FHIT: variants seen among roughly 807,000 people sequenced by gnomAD.
The protein encoded by FHIT is fragile histidine triad diadenosine triphosphatase.
Under a neutral mutation model 17.9 loss-of-function variants are expected in FHIT, and 19 were observed. That is an observed-to-expected ratio of 1.06 (90% CI 0.74 to 1.56). FHIT has a LOEUF of 1.56. FHIT is among the 40% of genes most tolerant of loss of function. FHIT has a pLI of 0.00. For missense variants in FHIT, 248 were observed against 189.2 expected, an observed-to-expected ratio of 1.31 and a Z score of -1.82; for synonymous variants, 81 against 69.7, an observed-to-expected ratio of 1.16 and a Z score of -0.81.
chr3:60,491,293 C>T (rs531398006), intron 5 of FHIT, among the ~76,000 whole-genome samples: 7 of 151,992 alleles, frequency 4.6e-5, no homozygotes, highest in Admixed American at 1.3e-4. Context: ...CTCCACACAC[C>T]CACTCCCTTA....
chr3:60,483,127 A>C (rs904701080), intron 5 of FHIT, among the ~76,000 whole-genome samples: 2 of 152,208 alleles, frequency 1.3e-5, no homozygotes, highest in Non-Finnish European at 2.9e-5. Context: ...AGACTAAACC[A>C]GGAAGGAGTT....
intron 3 of FHIT, among the ~76,000 whole-genome samples, chr3:60,826,152 TGGAAGGAAGGAAGGAAGGAA>T (rs201232384): frequency 0.21 from 27,183 of 128,262 alleles, 3,568 homozygotes; most frequent in East Asian, 0.53. Context: ...GATGAATGGA[TGGAAGGAAGGAAGGAAGGAA>T]GGAAGGAAGG....
rs537197891 is a variant in FHIT at position 60,814,192 on chromosome 3, T to C, written c.-18+7727A>G. ...TTAAAAAAAATTCATTCATCTGTTT[T>C]TATGTGTTTATTTTTTCAACTTTCA... On this transcript the variant is annotated intron_variant, in intron 4 of 9. Transcript: ENST00000492590. 2.5e-4 allele frequency among the ~76,000 whole-genome samples: 38 copies of C among 152,294 alleles called. 1 individual carries two copies. The East Asian group carries it at 5.4e-3, about 22-fold the overall frequency.
At chr3:61,115,271 G>A (rs2036268254) in intron 2 of FHIT, among the ~76,000 whole-genome samples, 1 of 152,124 alleles carries the variant, frequency 6.6e-6, no homozygotes, top group Non-Finnish European at 1.5e-5. Context: ...TCCTTGGACT[G>A]GAAGAGAAAA....
At chr3:59,816,906 TAAGCAA>T (rs1700619173) in intron 8 of FHIT, among the ~76,000 whole-genome samples, 1 of 152,186 alleles carries the variant, frequency 6.6e-6, no homozygotes, top group African/African-American at 2.4e-5. Context: ...GACTGAGACT[TAAGCAA>T]GAGACCCAGG....
intron 4 of FHIT, among the ~76,000 whole-genome samples, chr3:60,809,818 T>C (rs573720089): frequency 6.6e-6 from 1 of 152,336 alleles, no homozygotes; most frequent in Admixed American, 6.5e-5. Flanking sequence ...CTTGAGCTAC[T>C]GAACAACTCA....
At chr3:60,155,907 T>C (rs555324944) in intron 5 of FHIT, among the ~76,000 whole-genome samples, 1 of 152,284 alleles carries the variant, frequency 6.6e-6, no homozygotes, top group South Asian at 2.1e-4. Context: ...GTGTTACTTA[T>C]TGCCAAGAGA....
At chr3:60,015,468 A>T (rs1237904710) in intron 5 of FHIT, among the ~76,000 whole-genome samples, 1 of 152,230 alleles carries the variant, frequency 6.6e-6, no homozygotes, top group South Asian at 2.1e-4. Flanking sequence ...CATCTTTGGC[A>T]GGCCCGCTTT....
chr3:61,188,965 C>G (rs553789984), intron 2 of FHIT, among the ~76,000 whole-genome samples: 2 of 151,890 alleles, frequency 1.3e-5, no homozygotes, highest in Non-Finnish European at 2.9e-5. Context: ...GACAAACCCA[C>G]AGTCAATATC....
intron 2 of FHIT, among the ~76,000 whole-genome samples, chr3:61,130,682 A>G (rs941131223): frequency 6.6e-6 from 1 of 152,224 alleles, no homozygotes; most frequent in Non-Finnish European, 1.5e-5. Context: ...CACTCAATAC[A>G]CAAGAGCTAA....
chr3:60,572,237 T>C (rs888978868), intron 4 of FHIT, among the ~76,000 whole-genome samples: 8 of 151,672 alleles, frequency 5.3e-5, no homozygotes, highest in Non-Finnish European at 1.0e-4. Context: ...TTCTTCTCTG[T>C]GCATGCATAT....
rs536911301 is a variant in FHIT at position 60,472,682 on chromosome 3, G to A, written c.103+64178C>T. 9.9e-5 allele frequency among the ~76,000 whole-genome samples: 15 copies of A among 152,188 alleles called. No homozygotes were observed. The South Asian group carries it at 2.5e-3, about 25-fold the overall frequency. On this transcript the variant is annotated intron_variant, in intron 5 of 9. Transcript: ENST00000492590. The stretch of plus-strand genomic sequence containing the variant: ...TGTACAATGCTGTTTTAAAAGCAGC[G>A]CTCGTCTTTGCTGCCTTTCAACTTT...
At chr3:60,900,312 C>G (rs116658999) in intron 3 of FHIT, among the ~76,000 whole-genome samples, 2 of 152,032 alleles carry the variant, frequency 1.3e-5, no homozygotes, top group African/African-American at 4.8e-5. Context: ...GAAGTCCTAG[C>G]TACATGGGAG....
chr3:60,010,278 A>G (rs1700090105), intron 7 of FHIT, among the ~76,000 whole-genome samples: 1 of 152,236 alleles, frequency 6.6e-6, no homozygotes, highest in South Asian at 2.1e-4. Flanking sequence ...AGGAAAGCTG[A>G]AAGCCTCTGT....
intron 8 of FHIT, among the ~76,000 whole-genome samples, chr3:59,753,745 C>CTACTT (rs1266431223): frequency 2.6e-5 from 4 of 152,164 alleles, no homozygotes; most frequent in Admixed American, 2.0e-4. Context: ...AAAACTGACG[C>CTACTT]TACTTAACCC....
At chr3:60,918,615 T>A (rs1442613817) in intron 3 of FHIT, among the ~76,000 whole-genome samples, 1 of 152,074 alleles carries the variant, frequency 6.6e-6, no homozygotes, top group Non-Finnish European at 1.5e-5. Context: ...GGAGAAGATC[T>A]GGGAAAGGAA....
chr3:60,780,514 G>A (rs1481106328), intron 4 of FHIT, among the ~76,000 whole-genome samples: 1 of 152,036 alleles, frequency 6.6e-6, no homozygotes, highest in Non-Finnish European at 1.5e-5. Context: ...CCTTCATTTC[G>A]TTTTGATACA....
chr3:60,025,419 T>A (rs1700704171), intron 5 of FHIT, among the ~76,000 whole-genome samples: 1 of 152,172 alleles, frequency 6.6e-6, no homozygotes, highest in Non-Finnish European at 1.5e-5. Flanking sequence ...AGAGAATGAT[T>A]AGAAACAGGC....
intron 5 of FHIT, among the ~76,000 whole-genome samples, chr3:60,397,631 T>G (rs966739331): frequency 1.3e-5 from 2 of 152,150 alleles, no homozygotes; most frequent in African/African-American, 4.8e-5. Flanking sequence ...TGGTGCCACA[T>G]CAGCCTACTG....
Sources: gnomAD v4.1 joint callset for allele counts (sites outside exome capture counted in the v4.1 genomes callset) on GRCh38, gnomAD v4.1.1 for gene constraint, MANE v1.5 for transcripts, NCBI Gene and HGNC (gene_info 2026-07-23, HGNC 2026-07-21) for gene names.